The following OCA2 variants were observed in gnomAD, a reference collection of about 807,000 sequenced individuals.
OCA2 encodes P protein.
A neutral mutation model predicts 100.2 loss-of-function variants in OCA2; 77 were observed. That is an observed-to-expected ratio of 0.77 (90% CI 0.64 to 0.93). The LOEUF is 0.93. Ranked by LOEUF, OCA2 falls within the 40% of genes least tolerant of loss-of-function variation. The pLI, the probability that OCA2 is intolerant of heterozygous loss-of-function variation, is 0.00. For synonymous variants in OCA2, 432 were observed against 439.2 expected (o/e 0.98, Z 0.21); for missense variants, 1,062 against 1,089.1 (o/e 0.98, Z 0.35).
Position 27,941,968 on chromosome 15 carries a change from C to T in OCA2, c.1951+9816G>A, listed in dbSNP as rs75899353. ...AAAGCTGTAATGAAGTACCACTTCA[C>T]GCCTGGTATGATGAGCATAATCAAG... On this transcript the variant is annotated intron_variant, in intron 18 of 23. Coordinates refer to ENST00000354638, the MANE Select transcript of OCA2 (RefSeq NM_000275.3). 3.2e-3 allele frequency among the ~76,000 whole-genome samples: 487 copies of T among 152,208 alleles called. 5 individuals carry two copies. The highest frequency in any genetic ancestry group is 0.011 in the African/African-American group (461 of 41,516).
At chr15:27,745,200 G>T in the OCA2 span, among the ~76,000 whole-genome samples, 1 of 152,152 alleles carries the variant, frequency 6.6e-6, no homozygotes, top group Non-Finnish European at 1.5e-5. Context: ...ACGGAGTCGG[G>T]CATTTCCAAA....
chr15:27,877,808 T>G (rs2036853160), intron 19 of OCA2, among the ~76,000 whole-genome samples: 2 of 151,950 alleles, frequency 1.3e-5, no homozygotes, highest in Non-Finnish European at 2.9e-5. Flanking sequence ...CTCAATATTT[T>G]CCTGTTAATG....
At chr15:27,757,206 A>T (rs2030451534) in intron 23 of OCA2, among the ~76,000 whole-genome samples, 1 of 152,210 alleles carries the variant, frequency 6.6e-6, no homozygotes, top group Non-Finnish European at 1.5e-5. Context: ...GTCTAACTCT[A>T]GTTAGATTGT....
intron 21 of OCA2, among the ~76,000 whole-genome samples, chr15:27,862,101 G>A (rs2036154495): frequency 6.6e-6 from 1 of 151,902 alleles, no homozygotes; most frequent in Non-Finnish European, 1.5e-5. Flanking sequence ...CGTCAGCCTT[G>A]AGTCCTCACA....
chr15:27,746,403 G>T, the OCA2 span, among the ~76,000 whole-genome samples: 3 of 152,322 alleles, frequency 2.0e-5, no homozygotes, highest in African/African-American at 7.2e-5. Context: ...GGAGGTTGCA[G>T]TGAGCCGAGA....
chr15:27,792,356 A>T (rs539100213), intron 23 of OCA2, among the ~76,000 whole-genome samples: 1 of 152,234 alleles, frequency 6.6e-6, no homozygotes, highest in South Asian at 2.1e-4. Flanking sequence ...ACCATTGAAC[A>T]AGGCTGGCCA....
chr15:27,885,256 A>T (rs1437360749), intron 19 of OCA2, among the ~76,000 whole-genome samples: 2 of 152,180 alleles, frequency 1.3e-5, no homozygotes, highest in East Asian at 3.8e-4. Context: ...TATTATATGC[A>T]ACCTATAAAT....
chr15:28,038,063 C>A (rs1479396353), intron 2 of OCA2, among the ~76,000 whole-genome samples: 1 of 152,080 alleles, frequency 6.6e-6, no homozygotes, highest in Non-Finnish European at 1.5e-5. Flanking sequence ...TTTCTGTATC[C>A]CTATGTACTC....
At chr15:27,846,825 G>A (rs989645407) in intron 22 of OCA2, among the ~76,000 whole-genome samples, 1 of 152,174 alleles carries the variant, frequency 6.6e-6, no homozygotes, top group Non-Finnish European at 1.5e-5. Context: ...TACCGCCTGG[G>A]GCCTGCATGA....
intron 2 of OCA2, among the ~76,000 whole-genome samples, chr15:28,056,860 C>A (rs1365113812): frequency 6.6e-6 from 1 of 152,200 alleles, no homozygotes; most frequent in African/African-American, 2.4e-5. Flanking sequence ...GTGTCTCTCT[C>A]GGAGCCAGGC....
At chr15:27,995,436 A>T (rs1414607683) in intron 9 of OCA2, among the ~76,000 whole-genome samples, 1 of 152,226 alleles carries the variant, frequency 6.6e-6, no homozygotes, top group Admixed American at 6.5e-5. Flanking sequence ...TCTGTCACCC[A>T]GGCTGGAGTG....
chr15:27,721,377 G>A, the OCA2 span, among the ~76,000 whole-genome samples: 4 of 152,070 alleles, frequency 2.6e-5, no homozygotes, highest in Non-Finnish European at 4.4e-5. Flanking sequence ...CCCTCCACAA[G>A]AAAATTATGT....
chr15:28,055,309 GT>G (rs1566846493), intron 2 of OCA2, among the ~76,000 whole-genome samples: 1 of 152,108 alleles, frequency 6.6e-6, no homozygotes, highest in South Asian at 2.1e-4. Flanking sequence ...TCACATATTT[GT>G]TTTTTCACAT....
chr15:28,022,687 A>G (rs367573646), intron 5 of OCA2, 114 bp from the exon 6 acceptor site: 11 of 752,816 alleles, frequency 1.5e-5, no homozygotes, highest in East Asian at 7.7e-5. Flanking sequence ...GTGTGCATCC[A>G]GTACGCGCCA....
intron 23 of OCA2, among the ~76,000 whole-genome samples, chr15:27,764,421 C>T (rs1231488476): frequency 6.6e-6 from 1 of 152,172 alleles, no homozygotes; most frequent in African/African-American, 2.4e-5. Context: ...AAGATGCACA[C>T]AGCAGGGCTT....
At chr15:28,005,434 A>G (rs774114066) in intron 9 of OCA2, among the ~76,000 whole-genome samples, 2 of 152,128 alleles carry the variant, frequency 1.3e-5, no homozygotes, top group Non-Finnish European at 2.9e-5. Context: ...TCCTGCAGGT[A>G]AGACATCCAG....
At chr15:27,745,936 T>C in the OCA2 span, among the ~76,000 whole-genome samples, 530 of 152,322 alleles carry the variant, frequency 3.5e-3, 1 homozygote, top group African/African-American at 0.011. Context: ...CTTCAAGTTG[T>C]CCCACCTTTC....
chr15:27,800,021 G>C (rs1314305057), intron 23 of OCA2, among the ~76,000 whole-genome samples: 1 of 152,208 alleles, frequency 6.6e-6, no homozygotes, highest in Non-Finnish European at 1.5e-5. Context: ...CAGCCACATG[G>C]AGTTAAATTA....
At chr15:28,050,436 C>G (rs992078104) in intron 2 of OCA2, among the ~76,000 whole-genome samples, 13 of 151,926 alleles carry the variant, frequency 8.6e-5, no homozygotes, top group Non-Finnish European at 2.9e-5. Flanking sequence ...TGGCAGGCGT[C>G]TGTAATCCCA....
Sources: gnomAD v4.1 joint callset for allele counts (sites outside exome capture counted in the v4.1 genomes callset) on GRCh38, gnomAD v4.1.1 for gene constraint, MANE v1.5 for transcripts, NCBI Gene and HGNC (gene_info 2026-07-23, HGNC 2026-07-21) for gene names.